The following UNC5D variants were observed in gnomAD, a reference collection of about 807,000 sequenced individuals.
The protein encoded by UNC5D is netrin receptor UNC5D.
A neutral mutation model predicts 105.4 loss-of-function variants in UNC5D; 39 were observed. The observed-to-expected ratio is 0.37, with a 90% CI of 0.29 to 0.48. The LOEUF (loss-of-function observed/expected upper bound fraction) is 0.48, where lower values mean the gene tolerates loss of function less well. Among genes scored for constraint, UNC5D ranks in the 20% least tolerant of loss-of-function variants. UNC5D has a pLI of 0.98. For synonymous variants in UNC5D, 452 were observed against 450.4 expected (o/e 1.00, Z -0.04); for missense variants, 991 against 1,202.4 (o/e 0.82, Z 2.60).
At chr8:35,569,292 A>G (rs1817569021) in intron 3 of UNC5D, among the ~76,000 whole-genome samples, 1 of 152,150 alleles carries the variant, frequency 6.6e-6, no homozygotes. Flanking sequence ...GGATGGTAAA[A>G]TCACCTCCAG....
intron 1 of UNC5D, among the ~76,000 whole-genome samples, chr8:35,452,337 T>C (rs963057094): frequency 6.6e-6 from 1 of 152,154 alleles, no homozygotes; most frequent in East Asian, 1.9e-4. Context: ...CAATCTCAGC[T>C]CACTGCCATC....
intron 14 of UNC5D, among the ~76,000 whole-genome samples, chr8:35,761,918 G>T (rs975880784): frequency 2.0e-4 from 30 of 152,166 alleles, no homozygotes; most frequent in Non-Finnish European, 3.1e-4. Flanking sequence ...ACTTGGCATG[G>T]AGAATGGATA....
At chr8:35,728,095 A>AAAAAAAAAAATATAT (rs34672872) in intron 10 of UNC5D, among the ~76,000 whole-genome samples, 3 of 110,364 alleles carry the variant, frequency 2.7e-5, no homozygotes, top group African/African-American at 1.6e-4. Flanking sequence ...AAAAAAAAAA[A>AAAAAAAAAAATATAT]ATATATATAT....
chr8:35,260,623 C>T (rs932034301), intron 1 of UNC5D, among the ~76,000 whole-genome samples: 1 of 152,066 alleles, frequency 6.6e-6, no homozygotes, highest in African/African-American at 2.4e-5. Flanking sequence ...GCGGCCATAC[C>T]GAGCTAATTG....
chr8:35,707,692 G>A (rs910869257), intron 8 of UNC5D, among the ~76,000 whole-genome samples: 1 of 152,142 alleles, frequency 6.6e-6, no homozygotes, highest in African/African-American at 2.4e-5. Context: ...AGAAATGCAT[G>A]TATGTGTTTT....
chr8:35,575,077 A>G (rs182201910), intron 3 of UNC5D, among the ~76,000 whole-genome samples: 11 of 152,282 alleles, frequency 7.2e-5, no homozygotes, highest in Admixed American at 3.9e-4. Context: ...AAAATTTCAT[A>G]AATTCTAAGT....
intron 4 of UNC5D, among the ~76,000 whole-genome samples, chr8:35,678,931 G>A (rs930893684): frequency 4.6e-5 from 7 of 151,562 alleles, no homozygotes; most frequent in South Asian, 2.1e-4. Context: ...CCATAATGAC[G>A]AGTACAAATG....
At chr8:35,483,755 G>A (rs1362601029) in intron 1 of UNC5D, among the ~76,000 whole-genome samples, 4 of 152,292 alleles carry the variant, frequency 2.6e-5, no homozygotes, top group South Asian at 2.1e-4. Flanking sequence ...CCATGGGGCC[G>A]AGAGGGTATT....
chr8:35,658,644 C>CTTTTT (rs34252660), intron 4 of UNC5D, among the ~76,000 whole-genome samples: 2 of 84,366 alleles, frequency 2.4e-5, no homozygotes, highest in African/African-American at 4.5e-5. Flanking sequence ...TCATGAGTGA[C>CTTTTT]TTTTTTTTTT....
chr8:35,265,329 T>C (rs1423221164), intron 1 of UNC5D, among the ~76,000 whole-genome samples: 1 of 152,114 alleles, frequency 6.6e-6, no homozygotes, highest in Non-Finnish European at 1.5e-5. Context: ...AGAGTAGGGA[T>C]TGACAAGCTT....
intron 1 of UNC5D, among the ~76,000 whole-genome samples, chr8:35,361,363 T>A (rs1362299475): frequency 6.6e-6 from 1 of 152,196 alleles, no homozygotes; most frequent in East Asian, 1.9e-4. Flanking sequence ...CTGTCCTTGA[T>A]TTTAAAGTGA....
At chr8:35,376,796 C>T (rs1375671009) in intron 1 of UNC5D, among the ~76,000 whole-genome samples, 1 of 152,178 alleles carries the variant, frequency 6.6e-6, no homozygotes, top group Non-Finnish European at 1.5e-5. Context: ...CTCTAGCCAG[C>T]AACCCTCTTC....
At chr8:35,758,104 A>G (rs1322711439) in intron 13 of UNC5D, among the ~76,000 whole-genome samples, 2 of 152,196 alleles carry the variant, frequency 1.3e-5, no homozygotes, top group African/African-American at 4.8e-5. Flanking sequence ...CCTTCCCACA[A>G]GCAACACCAA....
At chr8:35,487,881 C>T (rs1326286528) in intron 1 of UNC5D, among the ~76,000 whole-genome samples, 1 of 152,090 alleles carries the variant, frequency 6.6e-6, no homozygotes, top group Non-Finnish European at 1.5e-5. Context: ...TGTTGTTAAA[C>T]GGCAAAGGAC....
chr8:35,388,729 A>C (rs548744733), intron 1 of UNC5D, among the ~76,000 whole-genome samples: 2 of 152,316 alleles, frequency 1.3e-5, no homozygotes, highest in East Asian at 3.9e-4. Context: ...AAGATGATGA[A>C]AGATAGTCTA....
intron 1 of UNC5D, among the ~76,000 whole-genome samples, chr8:35,538,396 TA>T (rs1563513905): frequency 0.28 from 3,183 of 11,364 alleles, 189 homozygotes; most frequent in African/African-American, 0.5. Flanking sequence ...AAAAAATAAT[TA>T]TATATATATA....
At chr8:35,727,630 T>C (rs1428553373) in intron 10 of UNC5D, 2 of 152,176 alleles carry the variant, frequency 1.3e-5, no homozygotes, top group African/African-American at 4.8e-5. Flanking sequence ...TCAAAACATA[T>C]TTTACTTCAT....
chr8:35,423,395 C>G (rs1015530605), intron 1 of UNC5D, among the ~76,000 whole-genome samples: 2 of 152,154 alleles, frequency 1.3e-5, no homozygotes, highest in Non-Finnish European at 2.9e-5. Context: ...TCCTTCCTGC[C>G]AAGTCAGCTG....
intron 1 of UNC5D, among the ~76,000 whole-genome samples, chr8:35,514,930 T>A (rs770692750): frequency 1.3e-5 from 2 of 152,214 alleles, no homozygotes; most frequent in African/African-American, 2.4e-5. Flanking sequence ...AAGGATTATG[T>A]TGCCGGCTCT....
Sources: allele counts gnomAD v4.1 joint callset (sites outside exome capture counted in the v4.1 genomes callset), GRCh38; gene constraint gnomAD v4.1.1; transcripts MANE v1.5; gene names NCBI Gene and HGNC (gene_info 2026-07-23, HGNC 2026-07-21).